LRIG2: variants seen among roughly 807,000 people sequenced by gnomAD.
LRIG2 encodes the protein leucine-rich repeats and immunoglobulin-like domains protein 2.
In LRIG2, 93 loss-of-function variants were observed where a neutral mutation model predicts 107.8. The ratio of observed to expected loss-of-function variants is 0.86; its 90% CI spans 0.73 to 1.03. The LOEUF (loss-of-function observed/expected upper bound fraction) is 1.03, where lower values mean the gene tolerates loss of function less well. LRIG2 is among the 50% of genes least tolerant of loss of function. The pLI is 0.00. For missense variants in LRIG2, 1,226 were observed against 1,296.0 expected (o/e 0.95, Z 0.83); for synonymous variants, 471 against 470.6 (o/e 1.00, Z -0.01).
Position 113,119,466 on chromosome 1 carries a change from C to G in LRIG2, c.2914C>G (p.Pro972Ala), listed in dbSNP as rs1655154475. ...PSANREPSAF[P>A]TNHERISEKK... is the part of the protein sequence containing the mutation. Reference sequence around the variant, plus strand: ...AGCCAACAGAGAGCCATCTGCCTTTCCCACCAACCATGAGAGGATAAGTGA... The same window carrying G: ...AGCCAACAGAGAGCCATCTGCCTTTGCCACCAACCATGAGAGGATAAGTGA... The change falls in exon 17 of 18, where the codon CCC becomes GCC. Residue 972 changes from proline (P) to alanine (A), a missense_variant. Physicochemically the swap from Pro to Ala is conservative, Grantham distance 27. Transcript: ENST00000361127. 1.9e-6 allele frequency: 3 copies of G among 1,614,162 alleles called. No individual in the cohort carries two copies. Among genetic ancestry groups the G allele is most frequent in the Non-Finnish European group, 2.5e-6 (3 of 1,180,012 alleles).
chr1:113,101,556 A>T lies in LRIG2; in HGVS notation c.1313+1068A>T, dbSNP rs570689779. Among the ~76,000 whole-genome samples the T allele has an allele frequency of 1.3e-4, 20 of 152,376 alleles. 1 individual carries two copies. Among genetic ancestry groups the T allele is most frequent in the Admixed American group, 4.6e-4 (7 of 15,302 alleles). The stretch of plus-strand genomic sequence containing the variant: ...GAAACTTTTAGAACAATTTTACATT[A>T]CTGTGACACTTTTGTTGTAGTTTAT... On this transcript the variant is annotated intron_variant, in intron 11 of 17. Transcript: ENST00000361127.
At chr1:113,092,741 A>T (rs1233138850) in intron 2 of LRIG2, among the ~76,000 whole-genome samples, 1 of 152,236 alleles carries the variant, frequency 6.6e-6, no homozygotes, top group African/African-American at 2.4e-5. Context: ...CGGTAATCCC[A>T]GTACTTTGGG....
intron 12 of LRIG2, among the ~76,000 whole-genome samples, chr1:113,109,468 C>A (rs1046104134): frequency 1.3e-5 from 2 of 152,186 alleles, no homozygotes; most frequent in Non-Finnish European, 2.9e-5. Flanking sequence ...AAATATAAAT[C>A]ATTCATAATC....
Position 113,129,328 on chromosome 1 carries a change from A to AAAAAC in LRIG2, c.*5227_*5228insAAAAC, listed in dbSNP as rs57453736. ...CCGTCTCAAAAAAAAAAAAAAAAAA[A>AAAAAC]CCCGTGTAGGAGTACTGCCTCTCTG... On this transcript the variant is annotated 3_prime_UTR_variant, in exon 18 of 18. Coordinates refer to ENST00000361127, the MANE Select transcript of LRIG2 (RefSeq NM_014813.3). 1.3e-5 allele frequency: 2 copies of AAAAAC among 149,432 alleles called. No individual in the cohort carries two copies. Among genetic ancestry groups the AAAAAC allele is most frequent in the Non-Finnish European group, 3.0e-5 (2 of 67,264 alleles). The allele number at this position is 149,432 out of a possible 1,614,324, so 9.3% of individuals were successfully genotyped here. A position where few individuals can be genotyped will look rare whatever the true frequency, so the allele number is the denominator to read the frequency against.
At chr1:113,086,551 ATG>A (rs1653563338) in intron 1 of LRIG2, among the ~76,000 whole-genome samples, 1 of 152,186 alleles carries the variant, frequency 6.6e-6, no homozygotes, top group East Asian at 1.9e-4. Context: ...ATTCAGATGT[ATG>A]TGTGACTGTG....
At chr1:113,122,226 G>A (rs778074218) in intron 17 of LRIG2, among the ~76,000 whole-genome samples, 54 of 151,978 alleles carry the variant, frequency 3.6e-4, no homozygotes, top group Non-Finnish European at 6.8e-4. Flanking sequence ...GGGATTACAG[G>A]TGCCAACCAC....
rs760798444 is a variant in LRIG2 at position 113,073,464 on chromosome 1, G to C, written c.58G>C (p.Val20Leu). The C allele has an allele frequency of 8.7e-6, 14 of 1,614,158 alleles. No homozygotes were observed. Among genetic ancestry groups the C allele is most frequent in the Non-Finnish European group, 1.0e-5 (12 of 1,180,022 alleles). ...EEQLLGCRSR[V>L]LSRLLFIAQT... ...GCAGTTGCTGGGGTGTCGATCTAGA[G>C]TGCTTTCTCGGTTACTCTTCATTGC... is the stretch of plus-strand genomic sequence containing the variant. The change falls in exon 1 of 18, where the codon GTG becomes CTG. Residue 20 changes from valine to leucine, a missense_variant. Physicochemically the swap from Val to Leu is conservative, Grantham distance 32. Transcript: ENST00000361127.
At position 113,094,642 on chromosome 1, in the gene LRIG2, G is replaced by A; in HGVS notation, c.690G>A (p.Val230=). ...TTAAAAGAAACAGAATTAAAATTGT[G>A]GAAGGTCTTACATTCCAAGGGCTTG... ...LELKRNRIKI[V]EGLTFQGLDS... Residue 230 remains valine, a synonymous_variant, in exon 6 of 18, where the codon GTG becomes GTA. Coordinates refer to ENST00000361127, the MANE Select transcript of LRIG2 (RefSeq NM_014813.3). The A allele has an allele frequency of 6.2e-7, 1 of 1,613,050 alleles. No individual in the cohort carries two copies. Among genetic ancestry groups the A allele is most frequent in the East Asian group, 2.2e-5 (1 of 44,856 alleles).
At chr1:113,083,741 C>T (rs111230574) in intron 1 of LRIG2, among the ~76,000 whole-genome samples, 3 of 151,316 alleles carry the variant, frequency 2.0e-5, no homozygotes, top group African/African-American at 4.8e-5. Context: ...GGACTGGTAA[C>T]GTTCTCAGCC....
At chr1:113,107,556 TA>T in intron 11 of LRIG2, 37 bp from the exon 12 acceptor site, 1 of 1,590,524 alleles carries the variant, frequency 6.3e-7, no homozygotes, top group Non-Finnish European at 8.5e-7. Context: ...GAATGAAAAG[TA>T]AAACAAAGGA....
rs60038248 is a variant in LRIG2 at position 113,088,347 on chromosome 1, CAG to C, written c.240-2968_240-2967del. ...AGGAGAAAATTACTCTTTCCCAAAACAGAGGACACTGGACAGTTTTCACTAAT... is the reference window on the plus strand; with the variant it reads ...AGGAGAAAATTACTCTTTCCCAAAACAGGACACTGGACAGTTTTCACTAAT... On this transcript the variant is annotated intron_variant, in intron 1 of 17. Coordinates refer to ENST00000361127, the MANE Select transcript of LRIG2 (RefSeq NM_014813.3). Among the ~76,000 whole-genome samples, 11 of 152,276 alleles carry C rather than the reference CAG, an allele frequency of 7.2e-5. No individual in the cohort carries two copies. The East Asian group carries it at 1.7e-3, about 24-fold the overall frequency.
chr1:113,122,633 A>G (rs896814319), intron 17 of LRIG2, among the ~76,000 whole-genome samples: 6 of 152,190 alleles, frequency 3.9e-5, no homozygotes, highest in African/African-American at 1.4e-4. Context: ...GTCCGTAAGT[A>G]AGGAAATCAG....
At chr1:113,122,898 T>G (rs1655324916) in intron 17 of LRIG2, among the ~76,000 whole-genome samples, 1 of 152,236 alleles carries the variant, frequency 6.6e-6, no homozygotes. Context: ...ATTTTATTTT[T>G]ATTTCTGGGT....
At chr1:113,106,924 A>G (rs1437940107) in intron 11 of LRIG2, among the ~76,000 whole-genome samples, 1 of 152,194 alleles carries the variant, frequency 6.6e-6, no homozygotes, top group African/African-American at 2.4e-5. Flanking sequence ...TTCATGGGAA[A>G]AATTTAAACC....
In LRIG2 at chr1:113,123,937, T is replaced by C. The variant is rs1424215740; in HGVS notation, c.3034T>C (p.Ser1012Pro). The C allele has an allele frequency of 6.2e-7, 1 of 1,614,162 alleles. No homozygotes were observed. The change falls in exon 18 of 18, where the codon TCC becomes CCC. Residue 1012 changes from serine (S) to proline (P), a missense_variant. Physicochemically the swap from Ser to Pro is moderately conservative, Grantham distance 74. Coordinates refer to ENST00000361127, the MANE Select transcript of LRIG2 (RefSeq NM_014813.3). ...RELGLPHPPF[S>P]QQPVHESPQL... ...ACTAGGCCTGCCTCATCCTCCTTTT[T>C]CCCAGCAGCCAGTCCATGAGTCACC... is the stretch of plus-strand genomic sequence containing the variant.
rs1318791845 is a variant in LRIG2 at position 113,124,012 on chromosome 1, G to C, written c.3109G>C (p.Ala1037Pro). Residue 1037 changes from alanine to proline, a missense_variant, in exon 18 of 18, where the codon GCT (alanine) becomes CCT (proline). Around this residue, in one of 3 missense-constraint regions of LRIG2, gnomAD observed 642 missense variants for 712.2 expected, o/e 0.90. Transcript: ENST00000361127. ...GGCAGGGAGAGAGCCAGACTGTTCT[G>C]CTTCTTCCATGTCCTGCCACAGGTT... ...GLAGREPDCS[A>P]SSMSCHRLQD... 4 of 1,614,108 alleles carry C rather than the reference G, an allele frequency of 2.5e-6. No individual in the cohort carries two copies. Among genetic ancestry groups the C allele is most frequent in the Non-Finnish European group, 3.4e-6 (4 of 1,180,020 alleles).
chr1:113,119,618 C>G, intron 17 of LRIG2, 95 bp downstream of exon 17: 1 of 1,176,522 alleles, frequency 8.5e-7, no homozygotes, highest in Non-Finnish European at 1.2e-6. Context: ...TGACAGGAAG[C>G]AAGCAGATGG....
chr1:113,129,391 G>C lies in LRIG2; in HGVS notation c.*5290G>C, dbSNP rs1036762426. On this transcript the variant is annotated 3_prime_UTR_variant, in exon 18 of 18. Coordinates refer to ENST00000361127, the MANE Select transcript of LRIG2 (RefSeq NM_014813.3). ...TCCTTCTACTGACAGTGCTGTCAGA[G>C]TCTGGTCTCCTAAAGAGCCAGGTCA... 6 of 150,932 alleles carry C rather than the reference G, an allele frequency of 4.0e-5. No individual in the cohort carries two copies. Among genetic ancestry groups the C allele is most frequent in the African/African-American group, 1.5e-4 (6 of 41,060 alleles). The allele number at this position is 150,932 out of a possible 1,614,324, so 9.3% of individuals were successfully genotyped here. A position where few individuals can be genotyped will look rare whatever the true frequency, so the allele number is the denominator to read the frequency against.
intron 1 of LRIG2, among the ~76,000 whole-genome samples, chr1:113,074,020 T>C (rs906441382): frequency 1.6e-4 from 24 of 151,342 alleles, no homozygotes; most frequent in African/African-American, 5.8e-4. Context: ...TGCTTTCTGC[T>C]TATCTTGAGC....
Sources: gnomAD v4.1 joint callset for allele counts (sites outside exome capture counted in the v4.1 genomes callset) on GRCh38, gnomAD v4.1.1 for gene constraint, gnomAD v4.1.1 regional missense constraint, MANE v1.5 for transcripts, NCBI Gene and HGNC (gene_info 2026-07-23, HGNC 2026-07-21) for gene names.